The following ADAMTSL3 variants were observed in gnomAD, a reference collection of about 807,000 sequenced individuals.
ADAMTSL3 encodes ADAMTS like 3.
ADAMTSL3 carries 128 observed loss-of-function variants against 201.7 expected under a neutral mutation model. The observed-to-expected ratio is 0.63, with a 90% confidence interval of 0.55 to 0.73. ADAMTSL3 has a LOEUF of 0.73. Ranked by LOEUF, ADAMTSL3 falls within the 30% of genes least tolerant of loss-of-function variation. The pLI, the probability that ADAMTSL3 is intolerant of heterozygous loss-of-function variation, is 0.00. For synonymous variants in ADAMTSL3, 738 were observed against 748.4 expected (o/e 0.99, Z 0.23); for missense variants, 1,990 against 2,119.6 (o/e 0.94, Z 1.20).
In ADAMTSL3 at chr15:83,983,487, G is replaced by A; in HGVS notation, c.3716+143G>A. On this transcript the variant is annotated intron_variant, in intron 21 of 29. Transcript: ENST00000286744. ...TAGGAAAGAAACTAAAAAATGTTAAGATGTGTTTTTCACATATACGTTGGA... is the reference window on the plus strand; with the variant it reads ...TAGGAAAGAAACTAAAAAATGTTAAAATGTGTTTTTCACATATACGTTGGA... 6.0e-6 allele frequency: 4 copies of A among 666,740 alleles called. No homozygotes were observed. The South Asian group carries it at 1.2e-4, about 20-fold the overall frequency. The allele number at this position is 666,740 out of a possible 1,614,324, so 41.3% of individuals were successfully genotyped here.
intron 3 of ADAMTSL3, among the ~76,000 whole-genome samples, chr15:83,713,669 G>A (rs572780134): frequency 3.3e-5 from 5 of 152,212 alleles, no homozygotes; most frequent in Non-Finnish European, 5.9e-5. Flanking sequence ...GCCATGCCAG[G>A]CAAGAAAAGA....
intron 3 of ADAMTSL3, among the ~76,000 whole-genome samples, chr15:83,737,336 C>G (rs7180738): frequency 0.12 from 17,971 of 152,102 alleles, 1,443 homozygotes; most frequent in African/African-American, 0.23. Context: ...CAAATCTCAT[C>G]TTGAATTGTA....
intron 27 of ADAMTSL3, among the ~76,000 whole-genome samples, chr15:84,030,243 C>A (rs931685230): frequency 6.6e-6 from 1 of 152,152 alleles, no homozygotes; most frequent in Non-Finnish European, 1.5e-5. Flanking sequence ...CCTGGAAAAG[C>A]CACAGTCACT....
intron 20 of ADAMTSL3, among the ~76,000 whole-genome samples, chr15:83,974,998 C>CTTTTT (rs35557833): frequency 9.4e-5 from 9 of 96,156 alleles, no homozygotes; most frequent in African/African-American, 1.7e-4. Flanking sequence ...CAGCCTGCGT[C>CTTTTT]TTTTTTTTTT....
chr15:83,870,379 A>G (rs955023109), intron 8 of ADAMTSL3, among the ~76,000 whole-genome samples: 5 of 152,248 alleles, frequency 3.3e-5, no homozygotes, highest in Admixed American at 2.6e-4. Flanking sequence ...AATTATTTCA[A>G]AATCAAAAGT....
chr15:83,727,899 T>C (rs567969907), intron 3 of ADAMTSL3, among the ~76,000 whole-genome samples: 3 of 152,188 alleles, frequency 2.0e-5, no homozygotes, highest in Admixed American at 6.6e-5. Flanking sequence ...ATAGTGCAGA[T>C]TAAGTCCAGT....
At chr15:83,729,661 G>T (rs912576705) in intron 3 of ADAMTSL3, among the ~76,000 whole-genome samples, 3 of 151,742 alleles carry the variant, frequency 2.0e-5, no homozygotes, top group Admixed American at 6.6e-5. Context: ...TTCCTTCTCT[G>T]TATTATTTTG....
intron 8 of ADAMTSL3, among the ~76,000 whole-genome samples, chr15:83,865,591 G>A (rs995712588): frequency 9.2e-5 from 14 of 151,996 alleles, no homozygotes; most frequent in Non-Finnish European, 1.5e-4. Flanking sequence ...TCCCTTCCTT[G>A]CACCTTATAC....
At chr15:83,934,196 AG>A (rs939110883) in intron 17 of ADAMTSL3, among the ~76,000 whole-genome samples, 6 of 152,208 alleles carry the variant, frequency 3.9e-5, no homozygotes, top group African/African-American at 1.4e-4. Context: ...TACCCTGCAA[AG>A]CCACAAGGGC....
chr15:83,843,992 AAAC>A (rs1225250136), intron 7 of ADAMTSL3, among the ~76,000 whole-genome samples: 2 of 152,234 alleles, frequency 1.3e-5, no homozygotes. Context: ...AAAGCTGTAA[AAAC>A]AACAACAAAC....
chr15:83,982,216 T>G, intron 20 of ADAMTSL3, 57 bp from the exon 21 acceptor site: 1 of 1,363,582 alleles, frequency 7.3e-7, no homozygotes, highest in Non-Finnish European at 1.0e-6. Context: ...TCAAAAAGTC[T>G]GTATTTTTGA....
intron 5 of ADAMTSL3, among the ~76,000 whole-genome samples, chr15:83,813,365 ACT>A (rs1596254308): frequency 2.0e-5 from 3 of 152,190 alleles, no homozygotes; most frequent in Non-Finnish European, 4.4e-5. Context: ...ACGAGGACAG[ACT>A]CTGACAGTTG....
intron 5 of ADAMTSL3, among the ~76,000 whole-genome samples, chr15:83,816,989 C>G (rs2141899570): frequency 6.6e-6 from 1 of 152,264 alleles, no homozygotes; most frequent in East Asian, 1.9e-4. Flanking sequence ...GAGTAAGACC[C>G]TGACTAAAGA....
At chr15:83,815,364 C>T (rs1189160529) in intron 5 of ADAMTSL3, among the ~76,000 whole-genome samples, 1 of 152,212 alleles carries the variant, frequency 6.6e-6, no homozygotes, top group African/African-American at 2.4e-5. Context: ...AGCTACATCT[C>T]CAATAAGATA....
chr15:83,858,727 G>T, intron 7 of ADAMTSL3, 39 bp from the exon 8 acceptor site: 1 of 1,524,068 alleles, frequency 6.6e-7, no homozygotes, highest in Admixed American at 1.8e-5. Context: ...GGCCTTTAGT[G>T]TACTGGTTTT....
chr15:84,020,686 C>T (rs1484876100), intron 25 of ADAMTSL3, among the ~76,000 whole-genome samples: 2 of 152,178 alleles, frequency 1.3e-5, no homozygotes, highest in African/African-American at 4.8e-5. Context: ...TGATCACACA[C>T]AAATCCATCA....
intron 21 of ADAMTSL3, among the ~76,000 whole-genome samples, chr15:83,985,448 T>A (rs1301778567): frequency 6.6e-6 from 1 of 152,110 alleles, no homozygotes; most frequent in Non-Finnish European, 1.5e-5. Flanking sequence ...TTTGTCATAG[T>A]TTATTGGTCA....
intron 15 of ADAMTSL3, among the ~76,000 whole-genome samples, chr15:83,901,930 CAGTT>C (rs1437586868): frequency 6.6e-6 from 1 of 152,204 alleles, no homozygotes; most frequent in East Asian, 1.9e-4. Context: ...TTTCAAAACA[CAGTT>C]AGATGATAGT....
chr15:83,895,784 T>C (rs955888710), intron 13 of ADAMTSL3, among the ~76,000 whole-genome samples: 2 of 152,128 alleles, frequency 1.3e-5, no homozygotes, highest in Non-Finnish European at 2.9e-5. Context: ...TATATATATA[T>C]ATATCTCAAA....
Sources: allele counts gnomAD v4.1 joint callset (sites outside exome capture counted in the v4.1 genomes callset), GRCh38; gene constraint gnomAD v4.1.1; transcripts MANE v1.5; gene names NCBI Gene and HGNC (gene_info 2026-07-23, HGNC 2026-07-21).